TMEM209: variants seen among roughly 807,000 people sequenced by gnomAD.
The protein encoded by TMEM209 is transmembrane protein 209.
Under a neutral mutation model 76.2 loss-of-function variants are expected in TMEM209, and 65 were observed. The observed-to-expected ratio is 0.85, with a 90% CI of 0.70 to 1.05. The LOEUF (loss-of-function observed/expected upper bound fraction) is 1.05, where lower values mean the gene tolerates loss of function less well. Among genes scored for constraint, TMEM209 ranks in the 50% least tolerant of loss-of-function variants. The pLI is 0.00. For synonymous variants in TMEM209, 239 were observed against 237.6 expected, an observed-to-expected ratio of 1.01 and a Z score of -0.06; for missense variants, 623 against 685.5, an observed-to-expected ratio of 0.91 and a Z score of 1.02.
At chr7:130,193,549 A>T (rs1797869886) in intron 5 of TMEM209, among the ~76,000 whole-genome samples, 1 of 152,202 alleles carries the variant, frequency 6.6e-6, no homozygotes, top group Non-Finnish European at 1.5e-5. Flanking sequence ...CAAAAGAAAA[A>T]AAAAAAAGTG....
chr7:130,180,252 T>C lies in TMEM209; in HGVS notation c.1120+1371A>G, dbSNP rs79386964. On this transcript the variant is annotated intron_variant, in intron 9 of 14. Transcript: ENST00000397622. ...ATAGTCTTTATGCTTTATACAACTT[T>C]GTGATTAATATCTGCTAAGAGTCTT... Among the ~76,000 whole-genome samples the C allele has an allele frequency of 2.6e-3, 393 of 152,288 alleles. 2 individuals carry two copies. The highest frequency in any genetic ancestry group is 0.02 in the Middle Eastern group (6 of 294).
chr7:130,199,738 T>C (rs570409911), intron 5 of TMEM209: 13 of 152,304 alleles, frequency 8.5e-5, no homozygotes, highest in Non-Finnish European at 1.8e-4. Context: ...AATTATATTT[T>C]GGTGGTGTCA....
intron 2 of TMEM209, 50 bp from the exon 3 acceptor site, chr7:130,203,896 T>C (rs1393062890): frequency 6.3e-7 from 1 of 1,590,150 alleles, no homozygotes; most frequent in East Asian, 2.2e-5. Flanking sequence ...ACACCAAAAA[T>C]CAAAAACAAA....
chr7:130,176,454 A>T (rs559346443), intron 10 of TMEM209, among the ~76,000 whole-genome samples: 17 of 152,170 alleles, frequency 1.1e-4, no homozygotes, highest in African/African-American at 3.6e-4. Context: ...TGTATATTTG[A>T]TATAAAACCT....
chr7:130,170,324 C>T, intron 14 of TMEM209, 76 bp downstream of exon 14: 1 of 1,227,504 alleles, frequency 8.1e-7, no homozygotes, highest in Non-Finnish European at 1.2e-6. Context: ...TTACATGCTG[C>T]TGCCTTCTGC....
intron 6 of TMEM209, among the ~76,000 whole-genome samples, chr7:130,186,638 T>A (rs1797608106): frequency 1.3e-5 from 2 of 152,176 alleles, no homozygotes; most frequent in African/African-American, 2.4e-5. Flanking sequence ...AACTTGTATT[T>A]GAGTAAAATT....
intron 13 of TMEM209, among the ~76,000 whole-genome samples, chr7:130,172,014 C>A (rs1399802174): frequency 6.6e-6 from 1 of 151,924 alleles, no homozygotes; most frequent in Non-Finnish European, 1.5e-5. Context: ...GCCTGGGTGA[C>A]AGAGCAAGAC....
intron 14 of TMEM209, among the ~76,000 whole-genome samples, chr7:130,168,942 TA>T (rs1796962688): frequency 6.6e-6 from 1 of 152,104 alleles, no homozygotes; most frequent in South Asian, 2.1e-4. Flanking sequence ...AAATATATGA[TA>T]AAAGAAGCTA....
At chr7:130,184,323 C>T in intron 7 of TMEM209, 68 bp from the exon 8 acceptor site, 1 of 1,140,114 alleles carries the variant, frequency 8.8e-7, no homozygotes, top group Non-Finnish European at 1.2e-6. Context: ...ATCATTCTTT[C>T]TCCCATCCTA....
intron 5 of TMEM209, 24 bp from the exon 6 acceptor site, chr7:130,192,847 CT>C: frequency 6.3e-7 from 1 of 1,590,918 alleles, no homozygotes; most frequent in Admixed American, 1.7e-5. Context: ...AAGATCTTTA[CT>C]TTATTTTTCT....
At chr7:130,193,094 A>G (rs1458361426) in intron 5 of TMEM209, among the ~76,000 whole-genome samples, 1 of 152,170 alleles carries the variant, frequency 6.6e-6, no homozygotes, top group Non-Finnish European at 1.5e-5. Flanking sequence ...CCTTAGTATT[A>G]CCCAAGGAGT....
intron 6 of TMEM209, among the ~76,000 whole-genome samples, chr7:130,189,036 C>G (rs1178294884): frequency 6.6e-6 from 1 of 151,704 alleles, no homozygotes. Context: ...TTTAAGGAGA[C>G]AACAGAAGCA....
chr7:130,177,604 T>C (rs1436344734), intron 10 of TMEM209, among the ~76,000 whole-genome samples: 2 of 152,042 alleles, frequency 1.3e-5, no homozygotes, highest in Non-Finnish European at 2.9e-5. Flanking sequence ...GAACTGATAA[T>C]GACATGAGGG....
At chr7:130,205,047 T>C in intron 1 of TMEM209, 1 of 1,300,320 alleles carries the variant, frequency 7.7e-7, no homozygotes, top group South Asian at 2.0e-5. Flanking sequence ...GATTTATAAT[T>C]CCTCCTTTCT....
chr7:130,197,192 T>C (rs1337616558), intron 5 of TMEM209, among the ~76,000 whole-genome samples: 1 of 152,234 alleles, frequency 6.6e-6, no homozygotes, highest in East Asian at 1.9e-4. Context: ...CCATGTACAC[T>C]GCAGCATTCG....
intron 9 of TMEM209, among the ~76,000 whole-genome samples, chr7:130,180,811 A>C (rs1797386938): frequency 6.6e-6 from 1 of 152,250 alleles, no homozygotes; most frequent in Non-Finnish European, 1.5e-5. Context: ...AAAACATATG[A>C]CAAGTGTTGC....
intron 6 of TMEM209, 166 bp downstream of exon 6, chr7:130,192,456 T>G: frequency 1.6e-6 from 1 of 623,822 alleles, no homozygotes; most frequent in East Asian, 2.8e-5. Context: ...CTTCCTAAAT[T>G]TAGTGAACTT....
Position 130,202,526 on chromosome 7 carries a change from A to C in TMEM209, c.331+6T>G. 6.2e-7 allele frequency: 1 copy of C among 1,601,148 alleles called. No individual in the cohort carries two copies. The highest frequency in any genetic ancestry group is 8.5e-7 in the Non-Finnish European group (1 of 1,175,648). ...CCCACCTTTGCAAGAGATATAAAAC[A>C]CTCACCAGCTGTTTTCAACCCTAAA... On this transcript the variant is annotated splice_donor_region_variant and intron_variant, in intron 4 of 14. Coordinates refer to ENST00000397622, the MANE Select transcript of TMEM209 (RefSeq NM_032842.4).
chr7:130,174,233 T>C (rs1434276930), intron 11 of TMEM209, among the ~76,000 whole-genome samples: 2 of 152,234 alleles, frequency 1.3e-5, no homozygotes, highest in Non-Finnish European at 2.9e-5. Context: ...ATTCAGTGTG[T>C]TTAAGACATG....
Sources: gnomAD v4.1 joint callset for allele counts (sites outside exome capture counted in the v4.1 genomes callset) on GRCh38, gnomAD v4.1.1 for gene constraint, MANE v1.5 for transcripts, NCBI Gene and HGNC (gene_info 2026-07-23, HGNC 2026-07-21) for gene names.